The following HTR3D variants were observed in gnomAD, a reference collection of about 807,000 sequenced individuals.
HTR3D encodes 5-hydroxytryptamine (serotonin) receptor 3 family member D.
Under a neutral mutation model 45.8 loss-of-function variants are expected in HTR3D, and 47 were observed. The ratio of observed to expected loss-of-function variants is 1.03; its 90% CI spans 0.81 to 1.31. HTR3D has a LOEUF of 1.31. Among genes scored for constraint, HTR3D ranks in the 50% most tolerant of loss-of-function variants. The pLI, the probability that HTR3D is intolerant of heterozygous loss-of-function variation, is 0.00. For synonymous variants in HTR3D, 203 were observed against 199.8 expected, an observed-to-expected ratio of 1.02 and a Z score of -0.13; for missense variants, 448 against 506.9, an observed-to-expected ratio of 0.88 and a Z score of 1.12.
chr3:184,032,501 C>T lies in HTR3D; in HGVS notation c.66+694C>T, dbSNP rs531618525. 5.9e-5 allele frequency among the ~76,000 whole-genome samples: 9 copies of T among 152,282 alleles called. No homozygotes were observed. The South Asian group carries it at 6.2e-4, about 11-fold the overall frequency. Reference sequence around the variant, plus strand: ...TCTATGCCATATTAATACAGCGAGGCGGAGAACTGTGAGTGCAAAATTTGT... The same window carrying T: ...TCTATGCCATATTAATACAGCGAGGTGGAGAACTGTGAGTGCAAAATTTGT... On this transcript the variant is annotated intron_variant, in intron 1 of 7. Transcript: ENST00000428798.
At position 184,039,140 on chromosome 3, in the gene HTR3D, A is replaced by C; in HGVS notation, c.*165A>C. The C allele has an allele frequency of 4.2e-6, 3 of 722,836 alleles. No homozygotes were observed. The highest frequency in any genetic ancestry group is 3.9e-5 in the South Asian group (2 of 51,276). 44.8% of individuals were successfully genotyped at this position (722,836 alleles called of 1,614,324 possible). A position where few individuals can be genotyped will look rare whatever the true frequency, so the allele number is the denominator to read the frequency against. ...CCTGAATAGTCTCCTATGCCCTCCAAAAGTCGGGTCCTTGCTCCTGCATGC... is the reference window on the plus strand; with the variant it reads ...CCTGAATAGTCTCCTATGCCCTCCACAAGTCGGGTCCTTGCTCCTGCATGC... On this transcript the variant is annotated 3_prime_UTR_variant, in exon 8 of 8. Transcript: ENST00000428798.
intron 1 of HTR3D, chr3:184,034,956 G>T: frequency 9.6e-7 from 1 of 1,041,934 alleles, no homozygotes. Context: ...TGTTCTTTTT[G>T]GAATACTTGT....
intron 1 of HTR3D, 99 bp from the exon 2 acceptor site, chr3:184,035,079 T>C (rs547159708): frequency 6.5e-7 from 1 of 1,534,764 alleles, no homozygotes; most frequent in African/African-American, 1.4e-5. Context: ...AAAATCATTA[T>C]TGCCACATGG....
Position 184,036,051 on chromosome 3 carries a change from G to T in HTR3D, c.148G>T (p.Gly50Cys). Reference sequence around the variant, plus strand: ...TGAATGCGGAGGCATCAAGAAGTCCGGCATGGCAACTGAGAACCTATGGCT... The same window carrying T: ...TGAATGCGGAGGCATCAAGAAGTCCTGCATGGCAACTGAGAACCTATGGCT... ...PDECGGIKKSGMATENLWLSD... is the reference protein window; with the variant it reads ...PDECGGIKKSCMATENLWLSD... The change falls in exon 3 of 8, where the codon GGC becomes TGC. Residue 50 changes from glycine (G) to cysteine (C), a missense_variant. Coordinates refer to ENST00000428798, the MANE Select transcript of HTR3D (RefSeq NM_001145143.1). 5 of 1,551,646 alleles carry T rather than the reference G, an allele frequency of 3.2e-6. No individual in the cohort carries two copies. Among genetic ancestry groups the T allele is most frequent in the Non-Finnish European group, 4.4e-6 (5 of 1,146,994 alleles).
chr3:184,035,199 A>T lies in HTR3D; in HGVS notation c.88A>T (p.Thr30Ser). The T allele has an allele frequency of 6.4e-7, 1 of 1,552,232 alleles. No homozygotes were observed. The highest frequency in any genetic ancestry group is 1.7e-4 in the Middle Eastern group (1 of 5,998). ...LLQDSHLQLV[T>S]SFLWLNMWNP... ...CCAGGATTCACACCTTCAACTGGTG[A>T]CATCGTTCCTGTGGCTAAATATGGT... Residue 30 changes from threonine to serine, a missense_variant, in exon 2 of 8, where the codon ACA (threonine) becomes TCA (serine). Transcript: ENST00000428798.
chr3:184,034,927 C>T (rs1722844364), intron 1 of HTR3D: 3 of 683,350 alleles, frequency 4.4e-6, no homozygotes, highest in Admixed American at 6.9e-5. Context: ...GCTGTAATGA[C>T]ATTACTGCAG....
rs941677247 is a variant in HTR3D at position 184,036,787 on chromosome 3, A to C, written c.407A>C (p.His136Pro). 2 of 1,552,126 alleles carry C rather than the reference A, an allele frequency of 1.3e-6. No homozygotes were observed. Among genetic ancestry groups the C allele is most frequent in the Admixed American group, 2.0e-5 (1 of 51,008 alleles). The change falls in exon 5 of 8, where the codon CAT becomes CCT. Residue 136 changes from histidine (H) to proline (P), a missense_variant. His to Pro is a moderately conservative substitution (Grantham distance 77). Coordinates refer to ENST00000428798, the MANE Select transcript of HTR3D (RefSeq NM_001145143.1). The part of the protein sequence containing the change: ...WRRMSRSFQI[H>P]HRTSFRTRRE... ...AGGATGTCCAGGAGCTTTCAAATAC[A>C]TCACAGAACCTCATTCAGAACAAGG...
In HTR3D at chr3:184,037,116, T is replaced by G. The variant is rs183897424; in HGVS notation, c.516+220T>G. On this transcript the variant is annotated intron_variant, in intron 5 of 7. Transcript: ENST00000428798. ...GTGCAATGACGTGATCTCAGCTCAC[T>G]GCAACTTCCACCTCCTGGGTTCAAG... is the stretch of plus-strand genomic sequence containing the variant. Among the ~76,000 whole-genome samples the G allele has an allele frequency of 9.7e-4, 147 of 151,984 alleles. 1 individual carries two copies. Among genetic ancestry groups the G allele is most frequent in the African/African-American group, 3.4e-3 (142 of 41,424 alleles).
chr3:184,037,255 GTC>G (rs1722934959), intron 5 of HTR3D, among the ~76,000 whole-genome samples: 3 of 150,988 alleles, frequency 2.0e-5, no homozygotes, highest in Non-Finnish European at 4.4e-5. Context: ...CACCAGGCCG[GTC>G]TCAAAGTCCT....
chr3:184,035,836 G>C (rs890090333), intron 2 of HTR3D, 179 bp from the exon 3 acceptor site: 4 of 557,676 alleles, frequency 7.2e-6, no homozygotes, highest in Admixed American at 7.1e-5. Context: ...GGGATTACAG[G>C]GGCCCACCAC....
chr3:184,035,279 C>T (rs1049267380), intron 2 of HTR3D, 57 bp downstream of exon 2: 4 of 1,425,130 alleles, frequency 2.8e-6, no homozygotes, highest in Non-Finnish European at 3.9e-6. Context: ...TTTTTCCACT[C>T]CTAGGTCCAG....
At chr3:184,037,252 C>T (rs1722934641) in intron 5 of HTR3D, among the ~76,000 whole-genome samples, 1 of 151,328 alleles carries the variant, frequency 6.6e-6, no homozygotes, top group South Asian at 2.1e-4. Flanking sequence ...GTTCACCAGG[C>T]CGGTCTCAAA....
Position 184,036,819 on chromosome 3 carries a change from T to C in HTR3D, c.439T>C (p.Trp147Arg). ...AACCTCATTCAGAACAAGGAGGGAG[T>C]GGGTACTGCTGGGTATCCAAAAAAG... ...HRTSFRTRRE[W>R]VLLGIQKRTI... The change falls in exon 5 of 8, where the codon TGG (tryptophan) becomes CGG (arginine). Residue 147 changes from tryptophan (W) to arginine (R), a missense_variant. By Grantham distance (101) the Trp-to-Arg change is moderately radical. Transcript: ENST00000428798. 2 of 1,551,478 alleles carry C rather than the reference T, an allele frequency of 1.3e-6. No homozygotes were observed. The highest frequency in any genetic ancestry group is 1.7e-6 in the Non-Finnish European group (2 of 1,146,942).
rs558943754 is a variant in HTR3D at position 184,038,995 on chromosome 3, C to T, written c.*20C>T. ...ACCTAGGCAGGTGCTCACCTGCAAA[C>T]TTCAGTCTGGACTTCTTTTTGCCAG... On this transcript the variant is annotated 3_prime_UTR_variant, in exon 8 of 8. Transcript: ENST00000428798. This position sits in a 1 kb window ranked among gnomAD's most constrained non-coding sequence, Gnocchi z 4.5. 3.7e-6 allele frequency: 6 copies of T among 1,611,714 alleles called. No homozygotes were observed. Among genetic ancestry groups the T allele is most frequent in the Admixed American group, 1.7e-5 (1 of 59,842 alleles).
At position 184,038,877 on chromosome 3, in the gene HTR3D, G is replaced by T. The variant is rs779916026; in HGVS notation, c.1117G>T (p.Val373Leu). 1.9e-5 allele frequency: 30 copies of T among 1,614,040 alleles called. No homozygotes were observed. In the East Asian group the frequency reaches 2.5e-4, roughly 13 times the overall value. ...GAAGCAGCACTCGGTGGAGCTGTGG[G>T]TGCAGTTCAGCCACGCGATGGACGC... Reference protein sequence around the residue: ...AQKQHSVELWVQFSHAMDALL... With the variant: ...AQKQHSVELWLQFSHAMDALL... The change falls in exon 8 of 8, where the codon GTG becomes TTG. Residue 373 changes from valine to leucine, a missense_variant. Val to Leu is a conservative substitution (Grantham distance 32). Transcript: ENST00000428798. This position sits in a 1 kb window ranked among gnomAD's most constrained non-coding sequence, Gnocchi z 4.5.
intron 2 of HTR3D, 184 bp from the exon 3 acceptor site, chr3:184,035,831 T>A (rs1722869184): frequency 1.6e-5 from 9 of 551,296 alleles, no homozygotes; most frequent in Non-Finnish European, 2.5e-5. Context: ...TATCTGGGAT[T>A]ACAGGGGCCC....
intron 5 of HTR3D, 63 bp from the exon 6 acceptor site, chr3:184,037,958 C>A (rs1247267644): frequency 1.9e-6 from 3 of 1,579,454 alleles, no homozygotes; most frequent in Non-Finnish European, 2.6e-6. Context: ...AGTTCTTACT[C>A]TTACCTGTCT....
chr3:184,034,659 A>G (rs376156466), intron 1 of HTR3D, among the ~76,000 whole-genome samples: 1 of 151,954 alleles, frequency 6.6e-6, no homozygotes, highest in Admixed American at 6.6e-5. Context: ...ATCTCTACCA[A>G]AAATACAAAA....
intron 1 of HTR3D, chr3:184,033,051 T>C (rs1225096912): frequency 6.4e-7 from 1 of 1,551,268 alleles, no homozygotes; most frequent in Admixed American, 2.0e-5. Context: ...TTGTCTGCCA[T>C]CTGGAAGTTG....
Sources: gnomAD v4.1 joint callset for allele counts (sites outside exome capture counted in the v4.1 genomes callset) on GRCh38, gnomAD v4.1.1 for gene constraint, Gnocchi (gnomAD v3.1) non-coding constraint, MANE v1.5 for transcripts, NCBI Gene and HGNC (gene_info 2026-07-23, HGNC 2026-07-21) for gene names.